Variants in MAGI2 observed in about 807,000 individuals in gnomAD.
MAGI2 encodes membrane associated guanylate kinase, WW and PDZ domain containing 2.
Under a neutral mutation model 133.3 loss-of-function variants are expected in MAGI2, and 35 were observed. That is an observed-to-expected ratio of 0.26 (90% CI 0.20 to 0.35). The LOEUF is 0.35. Ranked by LOEUF, MAGI2 falls within the 10% of genes least tolerant of loss-of-function variation. The pLI, the probability that MAGI2 is intolerant of heterozygous loss-of-function variation, is 1.00. For synonymous variants in MAGI2, 729 were observed against 710.6 expected, an observed-to-expected ratio of 1.03 and a Z score of -0.41; for missense variants, 1,636 against 1,863.4, an observed-to-expected ratio of 0.88 and a Z score of 2.25.
chr7:79,025,197 T>G (rs1045939156), intron 1 of MAGI2, among the ~76,000 whole-genome samples: 13 of 152,200 alleles, frequency 8.5e-5, no homozygotes, highest in Non-Finnish European at 1.5e-5. Context: ...TCATATCTTT[T>G]GCAGTACCAT....
At chr7:78,540,929 G>A (rs574624812) in intron 3 of MAGI2, among the ~76,000 whole-genome samples, 38 of 152,298 alleles carry the variant, frequency 2.5e-4, no homozygotes, top group Non-Finnish European at 5.0e-4. Context: ...CACACTTTGG[G>A]CACTCACAGT....
intron 2 of MAGI2, among the ~76,000 whole-genome samples, chr7:78,961,816 T>A (rs1460489982): frequency 6.6e-6 from 1 of 152,140 alleles, no homozygotes; most frequent in African/African-American, 2.4e-5. Flanking sequence ...TAGTTGATAC[T>A]GTCATTGTGC....
chr7:79,353,558 T>G, intron 1 of MAGI2: 1 of 449,306 alleles, frequency 2.2e-6, no homozygotes, highest in East Asian at 7.0e-5. Flanking sequence ...AAGGCAGTGA[T>G]GTTTCTCTCA....
chr7:78,508,466 G>A (rs1027958795), intron 4 of MAGI2, among the ~76,000 whole-genome samples: 3 of 151,962 alleles, frequency 2.0e-5, no homozygotes. Context: ...CTTCTGTATC[G>A]GCTTAAATTT....
At chr7:79,231,904 C>T (rs1415317742) in intron 1 of MAGI2, among the ~76,000 whole-genome samples, 1 of 152,112 alleles carries the variant, frequency 6.6e-6, no homozygotes, top group African/African-American at 2.4e-5. Flanking sequence ...AGTTTTTGCC[C>T]ATTCAGTATG....
intron 1 of MAGI2, chr7:79,177,131 T>C (rs1205747316): frequency 1.3e-5 from 2 of 152,030 alleles, no homozygotes; most frequent in African/African-American, 2.4e-5. Flanking sequence ...GGTAATTTTG[T>C]TCTGTAATCT....
At chr7:79,217,829 T>C (rs1830136693) in intron 1 of MAGI2, among the ~76,000 whole-genome samples, 1 of 152,050 alleles carries the variant, frequency 6.6e-6, no homozygotes, top group Admixed American at 6.5e-5. Flanking sequence ...AGAATAGTGC[T>C]TGGTACATAA....
chr7:78,254,172 TAGC>T (rs1299156058), intron 10 of MAGI2: 2 of 152,332 alleles, frequency 1.3e-5, no homozygotes, highest in Admixed American at 6.5e-5. Context: ...GCCAAGCTGA[TAGC>T]AGGCACACAA....
intron 1 of MAGI2, among the ~76,000 whole-genome samples, chr7:79,171,770 A>ATATAT: frequency 9.6e-5 from 3 of 31,204 alleles, no homozygotes; most frequent in African/African-American, 1.3e-4. Context: ...ATATATATAT[A>ATATAT]TTTTTTTTTT....
chr7:78,998,598 C>T lies in MAGI2; in HGVS notation c.418+8492G>A, dbSNP rs551254503. Among the ~76,000 whole-genome samples, 8 of 152,282 alleles carry T rather than the reference C, an allele frequency of 5.3e-5. No individual in the cohort carries two copies. In the South Asian group the frequency reaches 1.7e-3, roughly 32 times the overall value. ...CTTACCATACTCTAGCAATGCTATA[C>T]TGCAATGTGTAAATAACTTGGACAA... On this transcript the variant is annotated intron_variant, in intron 2 of 21. Transcript: ENST00000354212.
At position 78,256,407 on chromosome 7, in the gene MAGI2, G is replaced by A. The variant is rs1156562273; in HGVS notation, c.1583C>T (p.Ala528Val). 6.2e-7 allele frequency: 1 copy of A among 1,613,900 alleles called. No homozygotes were observed. ...CACTGGAGGTGGCCTCTCCATTATT[G>A]CAAGGGGTGGCACCATGCTGTTAGC... The part of the protein sequence containing the change: ...DPANSMVPPL[A>V]IMERPPPVMV... The change falls in exon 10 of 22, where the codon GCA becomes GTA. Residue 528 changes from alanine (A) to valine (V), a missense_variant. By Grantham distance (64) the Ala-to-Val change is moderately conservative. Around this residue, in one of 5 missense-constraint regions of MAGI2, gnomAD observed 920 missense variants for 1,093.5 expected, o/e 0.84. Transcript: ENST00000354212.
At chr7:78,395,522 G>C (rs191017450) in intron 6 of MAGI2, among the ~76,000 whole-genome samples, 1 of 152,268 alleles carries the variant, frequency 6.6e-6, no homozygotes, top group East Asian at 1.9e-4. Context: ...GCAGGCTGAG[G>C]GGGTAGTCTG....
chr7:78,948,888 T>C (rs951368409), intron 2 of MAGI2, among the ~76,000 whole-genome samples: 4 of 152,110 alleles, frequency 2.6e-5, no homozygotes, highest in Middle Eastern at 3.2e-3. Flanking sequence ...CTCCTTTTTA[T>C]CCTATAATAA....
intron 1 of MAGI2, among the ~76,000 whole-genome samples, chr7:79,419,577 T>TTTCTGGCATGTCCACAAATCAG (rs1424905853): frequency 1.3e-5 from 2 of 152,046 alleles, no homozygotes; most frequent in Non-Finnish European, 1.5e-5. Context: ...AACAGACATC[T>TTTCTGGCATGTCCACAAATCAG]TTCTGGCATG....
At chr7:78,491,864 G>T (rs1042231954) in intron 5 of MAGI2, among the ~76,000 whole-genome samples, 1 of 132,688 alleles carries the variant, frequency 7.5e-6, no homozygotes, top group Non-Finnish European at 1.6e-5. Context: ...ACATGCCTCC[G>T]TTCAAATTGT....
chr7:78,995,943 G>T (rs1806246650), intron 2 of MAGI2, among the ~76,000 whole-genome samples: 1 of 152,062 alleles, frequency 6.6e-6, no homozygotes, highest in South Asian at 2.1e-4. Context: ...CTTCAAAGAT[G>T]GGAAATAACA....
chr7:78,916,999 G>A (rs867199543), intron 2 of MAGI2, among the ~76,000 whole-genome samples: 16 of 152,104 alleles, frequency 1.1e-4, no homozygotes, highest in African/African-American at 3.9e-4. Context: ...AAGATTTGGT[G>A]AGAAGGAGGT....
chr7:78,767,882 G>C (rs1316916688), intron 2 of MAGI2, among the ~76,000 whole-genome samples: 1 of 152,068 alleles, frequency 6.6e-6, no homozygotes. Flanking sequence ...TTCTTTTTTA[G>C]CTCTCATTAA....
At chr7:78,545,212 C>CT (rs71085537) in intron 3 of MAGI2, among the ~76,000 whole-genome samples, 893 of 83,074 alleles carry the variant, frequency 0.011, 24 homozygotes, top group Non-Finnish European at 0.016. Flanking sequence ...TAACCTGATT[C>CT]TTTTTTTTTT....
Sources: gnomAD v4.1 joint callset for allele counts (sites outside exome capture counted in the v4.1 genomes callset) on GRCh38, gnomAD v4.1.1 for gene constraint, gnomAD v4.1.1 regional missense constraint, MANE v1.5 for transcripts, NCBI Gene and HGNC (gene_info 2026-07-23, HGNC 2026-07-21) for gene names.